The following GALC variants were observed in gnomAD, a reference collection of about 807,000 sequenced individuals.
GALC encodes galactosylceramidase, also known as galactocerebrosidase.
GALC carries 77 observed loss-of-function variants against 91.8 expected under a neutral mutation model. The observed-to-expected ratio is 0.84, with a 90% confidence interval of 0.70 to 1.01. GALC has a LOEUF of 1.01. GALC is among the 50% of genes least tolerant of loss of function. The probability of loss-of-function intolerance (pLI) is 0.00; values close to 1 mark genes in which losing one functional copy is unlikely to be tolerated. For missense variants in GALC, 882 were observed against 855.9 expected, an observed-to-expected ratio of 1.03 and a Z score of -0.38; for synonymous variants, 357 against 306.7, an observed-to-expected ratio of 1.16 and a Z score of -1.71.
intron 5 of GALC, among the ~76,000 whole-genome samples, chr14:87,983,674 T>C (rs918310769): frequency 4.6e-5 from 7 of 152,220 alleles, no homozygotes; most frequent in Non-Finnish European, 2.9e-5. Context: ...ACCCACTATG[T>C]GTGTGTTAAG....
At position 87,965,661 on chromosome 14, in the gene GALC, A is replaced by G. The variant is rs1886015414; in HGVS notation, c.909-32T>C. 6 of 1,610,960 alleles carry G rather than the reference A, an allele frequency of 3.7e-6. No individual in the cohort carries two copies. The Admixed American group carries it at 6.7e-5, about 18-fold the overall frequency. Reference sequence around the variant, plus strand: ...GATTTGATAAAAAAGAAACACCAAGACAACTTGTGATAAAAATGTAAATGT... The same window carrying G: ...GATTTGATAAAAAAGAAACACCAAGGCAACTTGTGATAAAAATGTAAATGT... On this transcript the variant is annotated intron_variant, in intron 8 of 16. Coordinates refer to ENST00000261304, the MANE Select transcript of GALC (RefSeq NM_000153.4).
At chr14:87,990,054 G>A (rs1432031081) in intron 1 of GALC, among the ~76,000 whole-genome samples, 1 of 152,086 alleles carries the variant, frequency 6.6e-6, no homozygotes, top group East Asian at 1.9e-4. Context: ...TTGAAGGAAG[G>A]ATGCCTTCTG....
intron 1 of GALC, among the ~76,000 whole-genome samples, chr14:87,991,807 A>C (rs1346334222): frequency 6.6e-6 from 1 of 152,116 alleles, no homozygotes; most frequent in African/African-American, 2.4e-5. Flanking sequence ...GGCTTAATAA[A>C]CCTAATGGAA....
At position 87,933,752 on chromosome 14, in the gene GALC, A is replaced by C; in HGVS notation, c.*980T>G. On this transcript the variant is annotated 3_prime_UTR_variant, in exon 17 of 17. Transcript: ENST00000261304. Reference sequence around the variant, plus strand: ...TACAACATGATGAACACGCTCACGTATATTTAAATATAAACATATTTGGAC... The same window carrying C: ...TACAACATGATGAACACGCTCACGTCTATTTAAATATAAACATATTTGGAC... 2.1e-6 allele frequency: 1 copy of C among 481,038 alleles called. No individual in the cohort carries two copies. The highest frequency in any genetic ancestry group is 3.7e-6 in the Non-Finnish European group (1 of 270,974). 29.8% of individuals were successfully genotyped at this position (481,038 alleles called of 1,614,324 possible).
chr14:87,947,667 G>A, intron 13 of GALC, 61 bp downstream of exon 13: 2 of 1,511,510 alleles, frequency 1.3e-6, no homozygotes, highest in Non-Finnish European at 1.8e-6. Context: ...TTGACAGGTA[G>A]AAATCAACAC....
At chr14:87,970,512 A>G (rs1234738442) in intron 7 of GALC, among the ~76,000 whole-genome samples, 2 of 152,152 alleles carry the variant, frequency 1.3e-5, no homozygotes, top group Admixed American at 6.5e-5. Flanking sequence ...ACATGATATG[A>G]GCAAAGAAAG....
At chr14:87,973,297 G>A (rs1379537490) in intron 7 of GALC, among the ~76,000 whole-genome samples, 2 of 152,052 alleles carry the variant, frequency 1.3e-5, no homozygotes, top group African/African-American at 4.8e-5. Context: ...AGAAAATGAG[G>A]GAGAAACTTT....
rs754765375 is a variant in GALC at position 87,986,505 on chromosome 14, G to A, written c.426C>T (p.Pro142=). 2.5e-6 allele frequency: 4 copies of A among 1,597,288 alleles called. No homozygotes were observed. The highest frequency in any genetic ancestry group is 1.1e-5 in the South Asian group (1 of 90,724). ...WLMKEAKKRN[P]NITLIGLPWS... ...ATTTCTTACCAATGAGTGTAATATT[G>A]GGATTCCTCTTCTTAGCTTCTTTCA... Residue 142 remains proline (P), a synonymous_variant, in exon 4 of 17, where the codon CCC becomes CCT. Transcript: ENST00000261304.
chr14:87,993,284 C>A, upstream of GALC: 1 of 1,539,378 alleles, frequency 6.5e-7, no homozygotes, highest in Middle Eastern at 1.7e-4. Context: ...GGGTCAAGGG[C>A]CTCTGACGCA....
chr14:87,993,132 T>C lies in GALC; in HGVS notation c.33A>G (p.Gln11=). Residue 11 remains glutamine, a synonymous_variant, in exon 1 of 17, where the codon CAA becomes CAG. Coordinates refer to ENST00000261304, the MANE Select transcript of GALC (RefSeq NM_000153.4). MAEWLLSASW[Q]RRAKAMTAAA... ...CCGCAGTCATAGCTTTCGCTCGGCGTTGCCAGGAAGCCGAGAGTAGCCACT... is the reference window on the plus strand; with the variant it reads ...CCGCAGTCATAGCTTTCGCTCGGCGCTGCCAGGAAGCCGAGAGTAGCCACT... 6.3e-7 allele frequency: 1 copy of C among 1,584,980 alleles called. No individual in the cohort carries two copies. The highest frequency in any genetic ancestry group is 1.3e-5 in the African/African-American group (1 of 74,572).
At position 87,988,455 on chromosome 14, in the gene GALC, C is replaced by A; in HGVS notation, c.264G>T (p.Lys88Asn). The change falls in exon 2 of 17, where the codon AAG becomes AAT. Residue 88 changes from lysine to asparagine, a missense_variant and splice_region_variant. Transcript: ENST00000261304. The stretch of plus-strand genomic sequence containing the variant: ...CATGAAATAATTATGTTTTCATTAC[C>A]TTAAAGAGATAATCCAATATCTGAG... The part of the protein sequence containing the change: ...YRSQILDYLF[K>N]PNFGASLHIL... The A allele has an allele frequency of 6.3e-7, 1 of 1,582,410 alleles. No homozygotes were observed. The highest frequency in any genetic ancestry group is 8.7e-7 in the Non-Finnish European group (1 of 1,151,404).
chr14:87,983,310 T>C (rs77307507), intron 5 of GALC, among the ~76,000 whole-genome samples: 17,190 of 151,854 alleles, frequency 0.11, 1,143 homozygotes, highest in Non-Finnish European at 0.16. Flanking sequence ...CCAATCCGGG[T>C]GACAGTGTAA....
Position 87,964,902 on chromosome 14 carries a change from C to T in GALC, c.1033+603G>A, listed in dbSNP as rs1487099915. 2.0e-5 allele frequency among the ~76,000 whole-genome samples: 3 copies of T among 152,232 alleles called. No homozygotes were observed. In the East Asian group the frequency reaches 5.8e-4, roughly 29 times the overall value. On this transcript the variant is annotated intron_variant, in intron 9 of 16. Coordinates refer to ENST00000261304, the MANE Select transcript of GALC (RefSeq NM_000153.4). ...TATCATATGAGTAACATAAAATCTT[C>T]AGTACGTGCTCACTTTTAAAATCTT...
At chr14:87,972,768 G>A (rs145799400) in intron 7 of GALC, among the ~76,000 whole-genome samples, 320 of 152,072 alleles carry the variant, frequency 2.1e-3, no homozygotes, top group Non-Finnish European at 3.1e-3. Context: ...TAAAGAGATA[G>A]AGAAAAATTC....
intron 11 of GALC, among the ~76,000 whole-genome samples, chr14:87,950,197 G>T (rs938288383): frequency 5.3e-5 from 8 of 151,938 alleles, no homozygotes; most frequent in African/African-American, 1.9e-4. Flanking sequence ...TACTGTACCT[G>T]TGTAATAACT....
intron 1 of GALC, among the ~76,000 whole-genome samples, chr14:87,990,719 G>GC (rs1326581861): frequency 6.6e-6 from 1 of 152,122 alleles, no homozygotes; most frequent in Non-Finnish European, 1.5e-5. Context: ...TCGGCTTTAG[G>GC]CAAACACACC....
chr14:87,963,366 GCAA>G lies in GALC; in HGVS notation c.1161+15_1161+17del. On this transcript the variant is annotated intron_variant, in intron 10 of 16. Coordinates refer to ENST00000261304, the MANE Select transcript of GALC (RefSeq NM_000153.4). ...AGTAAAGAAGTGAGTTAATCCAATA[GCAA>G]CAACAAAAGTTTACCATGGTTTCAA... is the stretch of plus-strand genomic sequence containing the variant. 6.2e-7 allele frequency: 1 copy of G among 1,611,752 alleles called. No individual in the cohort carries two copies. The highest frequency in any genetic ancestry group is 8.5e-7 in the Non-Finnish European group (1 of 1,178,160).
rs1472984936 is a variant in GALC, at chr14:87,988,147, T to C, written c.325A>G (p.Thr109Ala). 4 of 1,613,378 alleles carry C rather than the reference T, an allele frequency of 2.5e-6. No homozygotes were observed. The highest frequency in any genetic ancestry group is 1.7e-5 in the Admixed American group (1 of 60,016). Reference sequence around the variant, plus strand: ...CCTATCTCCCAAATTCTCCTACCTGTTGTCTGCCCATCACCACCTATTTCC... The same window carrying C: ...CCTATCTCCCAAATTCTCCTACCTGCTGTCTGCCCATCACCACCTATTTCC... ...KVEIGGDGQT[T>A]DGTEPSHMHY... is the part of the protein sequence containing the mutation. Residue 109 changes from threonine to alanine, a missense_variant, in exon 3 of 17, where the codon ACA (threonine) becomes GCA (alanine). Coordinates refer to ENST00000261304, the MANE Select transcript of GALC (RefSeq NM_000153.4).
chr14:87,953,962 C>T, intron 10 of GALC: 3 of 1,609,270 alleles, frequency 1.9e-6, no homozygotes, highest in Non-Finnish European at 2.5e-6. Context: ...TAGAGGACTG[C>T]AGCATTTTGG....
Sources: gnomAD v4.1 joint callset for allele counts (sites outside exome capture counted in the v4.1 genomes callset) on GRCh38, gnomAD v4.1.1 for gene constraint, MANE v1.5 for transcripts, NCBI Gene and HGNC (gene_info 2026-07-23, HGNC 2026-07-21) for gene names.